Variants in THSD4 observed in about 807,000 individuals in gnomAD.
THSD4 encodes thrombospondin type-1 domain-containing protein 4.
A neutral mutation model predicts 119.0 loss-of-function variants in THSD4; 69 were observed. The observed-to-expected ratio is 0.58, with a 90% CI of 0.48 to 0.71. THSD4 has a LOEUF of 0.71. Among genes scored for constraint, THSD4 ranks in the 30% least tolerant of loss-of-function variants. The pLI, the probability that THSD4 is intolerant of heterozygous loss-of-function variation, is 0.00. For missense variants in THSD4, 1,393 were observed against 1,391.1 expected, an observed-to-expected ratio of 1.00 and a Z score of -0.02; for synonymous variants, 524 against 540.4, an observed-to-expected ratio of 0.97 and a Z score of 0.42.
chr15:71,356,933 C>T (rs955767624), intron 6 of THSD4, among the ~76,000 whole-genome samples: 2 of 152,188 alleles, frequency 1.3e-5, no homozygotes, highest in Non-Finnish European at 2.9e-5. Flanking sequence ...ATCACTGAGT[C>T]CAGCCCAAGG....
At chr15:71,199,658 GTGATGCATGTGTGGAGGGT>G (rs2043762926) in intron 3 of THSD4, among the ~76,000 whole-genome samples, 2 of 141,812 alleles carry the variant, frequency 1.4e-5, no homozygotes, top group African/African-American at 5.5e-5. Flanking sequence ...GTGTGTGTGT[GTGATGCATGTGTGGAGGGT>G]GTGTGTGTGT....
At chr15:71,150,880 G>A (rs1001024884) in intron 2 of THSD4, among the ~76,000 whole-genome samples, 1 of 152,176 alleles carries the variant, frequency 6.6e-6, no homozygotes, top group Non-Finnish European at 1.5e-5. Flanking sequence ...CCAAGATGGT[G>A]AAGCATCATT....
At chr15:71,385,324 T>C (rs960602087) in intron 6 of THSD4, among the ~76,000 whole-genome samples, 3 of 152,214 alleles carry the variant, frequency 2.0e-5, no homozygotes, top group African/African-American at 7.2e-5. Flanking sequence ...GGTTGCCTGG[T>C]GTTCCTGGGG....
Position 71,731,150 on chromosome 15 carries a change from G to C in THSD4, c.1563G>C (p.Val521=), listed in dbSNP as rs1283137679. 4 of 1,614,042 alleles carry C rather than the reference G, an allele frequency of 2.5e-6. No homozygotes were observed. The change falls in exon 10 of 18, where the codon GTG becomes GTC. Residue 521 remains valine (V), a synonymous_variant. Coordinates refer to ENST00000261862, the MANE Select transcript of THSD4 (RefSeq NM_024817.3). ...TACACCAGCAGCCAAACCCAGGCGT[G>C]CACTACGAGTACGTGATCATGGGGA... ...YMIHQQPNPG[V]HYEYVIMGTN...
intron 6 of THSD4, among the ~76,000 whole-genome samples, chr15:71,264,496 G>A (rs1302449320): frequency 6.6e-6 from 1 of 152,198 alleles, no homozygotes; most frequent in African/African-American, 2.4e-5. Flanking sequence ...ACCTCTTTGT[G>A]AAAACAAAAT....
chr15:71,361,976 T>C (rs1382112670), intron 6 of THSD4, among the ~76,000 whole-genome samples: 1 of 152,240 alleles, frequency 6.6e-6, no homozygotes, highest in Non-Finnish European at 1.5e-5. Flanking sequence ...GAAATTTATA[T>C]TATTCAAAAT....
chr15:71,689,076 A>G (rs1173757360), intron 8 of THSD4, among the ~76,000 whole-genome samples: 1 of 152,220 alleles, frequency 6.6e-6, no homozygotes, highest in Admixed American at 6.5e-5. Context: ...AAGGCCCTGT[A>G]GAGCTCTTCA....
chr15:71,442,695 T>TATATATATATATATAC (rs2047126400), intron 7 of THSD4, among the ~76,000 whole-genome samples: 1 of 118,442 alleles, frequency 8.4e-6, no homozygotes, highest in African/African-American at 3.1e-5. Context: ...TATATATATA[T>TATATATATATATATAC]ATATATATGA....
chr15:71,233,099 T>C (rs1427860039), intron 4 of THSD4, among the ~76,000 whole-genome samples: 1 of 152,236 alleles, frequency 6.6e-6, no homozygotes, highest in Non-Finnish European at 1.5e-5. Flanking sequence ...TGCTGGTCTG[T>C]GCTGATCTAA....
Position 71,115,802 on chromosome 15 carries a change from G to A in THSD4, c.-80+104G>A, listed in dbSNP as rs1596205333. ...GCTCCCGCTCTCTGGCCGGCGGGGC[G>A]GGCTGGCGCGGGCTACCCAGTGGGT... On this transcript the variant is annotated intron_variant, in intron 1 of 17. Transcript: ENST00000261862. This position sits in a 1 kb window ranked among gnomAD's most constrained non-coding sequence, Gnocchi z 4.4. 6.6e-6 allele frequency: 1 copy of A among 150,588 alleles called. No homozygotes were observed. Among genetic ancestry groups the A allele is most frequent in the Admixed American group, 6.6e-5 (1 of 15,130 alleles). 9.3% of individuals were successfully genotyped at this position (150,588 alleles called of 1,614,324 possible).
intron 8 of THSD4, among the ~76,000 whole-genome samples, chr15:71,723,082 T>TTTC (rs1555445669): frequency 3.3e-5 from 5 of 151,304 alleles, no homozygotes; most frequent in Non-Finnish European, 5.9e-5. Flanking sequence ...GTTTTTTTTT[T>TTTC]CTCTATTTAA....
chr15:71,759,044 A>G (rs558255367), intron 15 of THSD4, among the ~76,000 whole-genome samples: 4 of 152,344 alleles, frequency 2.6e-5, no homozygotes, highest in African/African-American at 9.6e-5. Flanking sequence ...TACAGATATT[A>G]TGGCATATCA....
intron 3 of THSD4, chr15:71,183,164 G>A (rs2043552616): frequency 6.6e-6 from 1 of 151,800 alleles, no homozygotes; most frequent in Admixed American, 6.6e-5. Flanking sequence ...AGGAGCGAAG[G>A]AATGCCTTAC....
intron 6 of THSD4, among the ~76,000 whole-genome samples, chr15:71,259,044 C>T (rs983670594): frequency 7.9e-5 from 12 of 151,554 alleles, no homozygotes; most frequent in Admixed American, 1.3e-4. Flanking sequence ...ACCTGGGAAG[C>T]GGAGGTTGTG....
At chr15:71,515,729 C>T (rs2048352060) in intron 7 of THSD4, among the ~76,000 whole-genome samples, 1 of 152,160 alleles carries the variant, frequency 6.6e-6, no homozygotes, top group African/African-American at 2.4e-5. Flanking sequence ...ATTCGATGTT[C>T]TTTGTGAAGT....
chr15:71,646,890 C>G (rs1481445773), intron 7 of THSD4, among the ~76,000 whole-genome samples: 1 of 152,170 alleles, frequency 6.6e-6, no homozygotes, highest in African/African-American at 2.4e-5. Context: ...AGGCATAATG[C>G]CTAGGAGGAA....
intron 8 of THSD4, among the ~76,000 whole-genome samples, chr15:71,687,343 A>G (rs776938743): frequency 3.9e-5 from 6 of 152,200 alleles, no homozygotes; most frequent in Non-Finnish European, 7.3e-5. Context: ...TGTTAGGACC[A>G]GGAAGCTATA....
intron 7 of THSD4, among the ~76,000 whole-genome samples, chr15:71,596,524 T>G (rs2049910368): frequency 6.6e-6 from 1 of 152,186 alleles, no homozygotes; most frequent in Admixed American, 6.5e-5. Context: ...AGATTGTCCA[T>G]AGTATCAACT....
At chr15:71,655,518 A>G (rs2051173206) in intron 7 of THSD4, among the ~76,000 whole-genome samples, 1 of 152,226 alleles carries the variant, frequency 6.6e-6, no homozygotes, top group African/African-American at 2.4e-5. Context: ...ACATAAAGAC[A>G]AAGATGACAA....
Sources: gnomAD v4.1 joint callset for allele counts (sites outside exome capture counted in the v4.1 genomes callset) on GRCh38, gnomAD v4.1.1 for gene constraint, Gnocchi (gnomAD v3.1) non-coding constraint, MANE v1.5 for transcripts, NCBI Gene and HGNC (gene_info 2026-07-23, HGNC 2026-07-21) for gene names.